Variants in CCDC171 observed in about 807,000 individuals in gnomAD.
CCDC171 encodes coiled-coil domain containing 171, also known as coiled-coil domain-containing protein 171.
Under a neutral mutation model 168.2 loss-of-function variants are expected in CCDC171, and 177 were observed. The ratio of observed to expected loss-of-function variants is 1.05; its 90% CI spans 0.93 to 1.19. The LOEUF (loss-of-function observed/expected upper bound fraction) is 1.19, where lower values mean the gene tolerates loss of function less well. Among genes scored for constraint, CCDC171 ranks in the 50% most tolerant of loss-of-function variants. The pLI is 0.00. For synonymous variants in CCDC171, 687 were observed against 540.8 expected (o/e 1.27, Z -3.75); for missense variants, 1,991 against 1,539.0 (o/e 1.29, Z -4.91).
chr9:15,727,479 T>C (rs2053880869), intron 14 of CCDC171, among the ~76,000 whole-genome samples: 1 of 152,198 alleles, frequency 6.6e-6, no homozygotes, highest in Non-Finnish European at 1.5e-5. Context: ...AACTATTAAA[T>C]TATAGAATTA....
At chr9:15,920,165 G>A in intron 24 of CCDC171, 105 bp from the exon 25 acceptor site, 1 of 611,340 alleles carries the variant, frequency 1.6e-6, no homozygotes. Flanking sequence ...AAGATGAAAA[G>A]TTGTTTATTT....
chr9:15,852,198 A>G (rs1048351285), intron 23 of CCDC171, among the ~76,000 whole-genome samples: 6 of 151,756 alleles, frequency 4.0e-5, no homozygotes, highest in Admixed American at 2.6e-4. Context: ...AATCTCCACC[A>G]TTATGGATAA....
chr9:16,103,401 C>G, the CCDC171 span, among the ~76,000 whole-genome samples: 21,736 of 152,162 alleles, frequency 0.14, 1,677 homozygotes, highest in Middle Eastern at 0.17. Context: ...GCTTTCCTCT[C>G]ACTGCCATCT....
chr9:15,964,163 C>G (rs1830590160), intron 25 of CCDC171, among the ~76,000 whole-genome samples: 1 of 152,152 alleles, frequency 6.6e-6, no homozygotes, highest in Non-Finnish European at 1.5e-5. Context: ...AAGCCAATGA[C>G]ATTTAGAGTT....
downstream of CCDC171, chr9:16,061,606 T>G (rs956089989): frequency 6.6e-6 from 1 of 152,232 alleles, no homozygotes; most frequent in Admixed American, 6.5e-5. Context: ...AGCCAAGGAA[T>G]GATAACACTA....
At chr9:16,016,410 A>G (rs1481972245) in intron 3 of CCDC171, among the ~76,000 whole-genome samples, 1 of 152,106 alleles carries the variant, frequency 6.6e-6, no homozygotes, top group Non-Finnish European at 1.5e-5. Flanking sequence ...TGCCCAATAT[A>G]TATTTAGTGA....
At chr9:15,676,775 C>T (rs1016819453) in intron 9 of CCDC171, among the ~76,000 whole-genome samples, 6 of 152,078 alleles carry the variant, frequency 3.9e-5, no homozygotes, top group African/African-American at 1.4e-4. Context: ...CATAGTTCAG[C>T]TGGCCGTTCA....
intron 6 of CCDC171, among the ~76,000 whole-genome samples, chr9:16,032,413 G>A (rs974266294): frequency 1.3e-5 from 2 of 152,200 alleles, no homozygotes; most frequent in Admixed American, 1.3e-4. Context: ...CTGGCAGGGA[G>A]GAGAAGGGTC....
chr9:15,632,981 G>A (rs1455154990), intron 7 of CCDC171, among the ~76,000 whole-genome samples: 3 of 152,344 alleles, frequency 2.0e-5, no homozygotes, highest in East Asian at 1.9e-4. Context: ...GTAGAAAGCT[G>A]AAACTGGGTC....
At chr9:15,685,065 T>C (rs563910587) in intron 10 of CCDC171, among the ~76,000 whole-genome samples, 1 of 152,370 alleles carries the variant, frequency 6.6e-6, no homozygotes, top group East Asian at 1.9e-4. Flanking sequence ...TGAGTCCCTT[T>C]ATCTTACAAT....
chr9:15,630,803 G>A (rs933510118), intron 7 of CCDC171, among the ~76,000 whole-genome samples: 3 of 152,156 alleles, frequency 2.0e-5, no homozygotes, highest in Non-Finnish European at 4.4e-5. Context: ...TAAAAGATGA[G>A]AAATTATAAC....
At chr9:15,796,759 C>T (rs761406709) in intron 21 of CCDC171, among the ~76,000 whole-genome samples, 3 of 152,098 alleles carry the variant, frequency 2.0e-5, no homozygotes, top group South Asian at 2.1e-4. Context: ...CCTCCTCAGC[C>T]CTGGGGTTGG....
the CCDC171 span, among the ~76,000 whole-genome samples, chr9:16,094,894 G>C: frequency 6.6e-6 from 1 of 152,162 alleles, no homozygotes; most frequent in Non-Finnish European, 1.5e-5. Flanking sequence ...TGATGGAGGT[G>C]ATTGGATCCT....
At chr9:15,664,694 G>GTTTTTTT (rs71325927) in intron 8 of CCDC171, among the ~76,000 whole-genome samples, 17 of 99,512 alleles carry the variant, frequency 1.7e-4, no homozygotes, top group African/African-American at 7.6e-4. Flanking sequence ...ATATAGTTTT[G>GTTTTTTT]TTTTTTTTTT....
chr9:15,629,772 A>G (rs1313962779), intron 7 of CCDC171, among the ~76,000 whole-genome samples: 1 of 152,248 alleles, frequency 6.6e-6, no homozygotes, highest in Non-Finnish European at 1.5e-5. Context: ...AAGGGCAGCC[A>G]GAGAGAAAGG....
chr9:15,730,234 C>T (rs2054070567), intron 16 of CCDC171, among the ~76,000 whole-genome samples: 1 of 151,272 alleles, frequency 6.6e-6, no homozygotes. Context: ...CCTATGCCTG[C>T]TGATATTATA....
chr9:15,957,402 A>G (rs1013326856), intron 25 of CCDC171, among the ~76,000 whole-genome samples: 9 of 152,270 alleles, frequency 5.9e-5, no homozygotes, highest in African/African-American at 2.2e-4. Context: ...CACAGTTAGG[A>G]AGCTGAAATA....
chr9:15,844,802 T>C (rs779938728), intron 21 of CCDC171, among the ~76,000 whole-genome samples: 1 of 152,106 alleles, frequency 6.6e-6, no homozygotes, highest in Non-Finnish European at 1.5e-5. Flanking sequence ...TTTGAAAGTA[T>C]ATGATAGGAT....
intron 18 of CCDC171, among the ~76,000 whole-genome samples, chr9:15,769,582 T>C (rs544656471): frequency 3.9e-5 from 6 of 152,378 alleles, no homozygotes; most frequent in Non-Finnish European, 8.8e-5. Flanking sequence ...TATTTTTATA[T>C]TGTAATACAG....
Sources: gnomAD v4.1 joint callset for allele counts (sites outside exome capture counted in the v4.1 genomes callset) on GRCh38, gnomAD v4.1.1 for gene constraint, MANE v1.5 for transcripts, NCBI Gene and HGNC (gene_info 2026-07-23, HGNC 2026-07-21) for gene names.